MARK3: variants seen among roughly 807,000 people sequenced by gnomAD.
MARK3 encodes microtubule affinity regulating kinase 3, also known as MAP/microtubule affinity-regulating kinase 3.
In MARK3, 46 loss-of-function variants were observed where a neutral mutation model predicts 90.1. The observed-to-expected ratio is 0.51, with a 90% CI of 0.40 to 0.65. MARK3 has a LOEUF of 0.65. MARK3 is among the 30% of genes least tolerant of loss of function. The probability of loss-of-function intolerance (pLI) is 0.00; values close to 1 mark genes in which losing one functional copy is unlikely to be tolerated. For missense variants in MARK3, 818 were observed against 947.2 expected, an observed-to-expected ratio of 0.86 and a Z score of 1.79; for synonymous variants, 321 against 332.6, an observed-to-expected ratio of 0.97 and a Z score of 0.38.
chr14:103,503,039 C>T lies in MARK3; in HGVS notation c.2074C>T (p.Gln692Ter), dbSNP rs895479982. 6.2e-7 allele frequency: 1 copy of T among 1,614,116 alleles called. No homozygotes were observed. The highest frequency in any genetic ancestry group is 1.3e-5 in the African/African-American group (1 of 74,934). The change falls in exon 18 of 18, where the codon CAG becomes TAG. Residue 692 changes from glutamine (Q) to a stop codon, truncating the protein, a stop_gained. Coordinates refer to ENST00000429436, the MANE Select transcript of MARK3 (RefSeq NM_001128918.3). LOFTEE classifies it high-confidence loss of function. ...VLDANNCDYE[Q>*]RERFLLFCVH... ...GGACGCCAATAACTGCGACTATGAG[C>T]AGAGGGAGCGCTTCTTGCTCTTCTG...
rs1188259571 is a variant in MARK3, at chr14:103,451,107, TTTTTTTGTAGAGAGGGAA to T, written c.347-806_347-789del. On this transcript the variant is annotated intron_variant, in intron 4 of 17. Coordinates refer to ENST00000429436, the MANE Select transcript of MARK3 (RefSeq NM_001128918.3). ...CGCCATACCCAGCTAATTTTTGGCA[TTTTTTTGTAGAGAGGGAA>T]TTTTGCCATGTTGCCGAGGGTGGTG... Among the ~76,000 whole-genome samples, 3 of 151,686 alleles carry T rather than the reference TTTTTTTGTAGAGAGGGAA, an allele frequency of 2.0e-5. No individual in the cohort carries two copies. In the Admixed American group the frequency reaches 2.0e-4, roughly 10 times the overall value.
At chr14:103,403,352 G>A (rs1309251969) in intron 1 of MARK3, among the ~76,000 whole-genome samples, 1 of 150,270 alleles carries the variant, frequency 6.7e-6, no homozygotes, top group African/African-American at 2.5e-5. Context: ...GTGTGTGTGT[G>A]TGTGTGTGTG....
chr14:103,476,214 A>T (rs1335581565), intron 13 of MARK3, among the ~76,000 whole-genome samples: 1 of 152,214 alleles, frequency 6.6e-6, no homozygotes, highest in Non-Finnish European at 1.5e-5. Flanking sequence ...TCACAGTCTA[A>T]CAGGAAGTGA....
At chr14:103,477,836 AAG>A (rs2093741155) in intron 13 of MARK3, among the ~76,000 whole-genome samples, 2 of 152,044 alleles carry the variant, frequency 1.3e-5, no homozygotes, top group Admixed American at 1.3e-4. Flanking sequence ...AAAAATTAAA[AAG>A]AAAATAGCTG....
chr14:103,466,337 T>G lies in MARK3; in HGVS notation c.898-6T>G, dbSNP rs1433827135. ...ACTCTGCTAATGAACAGTTTACCTT[T>G]TTTAGCAAATCATGAAGGACAGGTG... On this transcript the variant is annotated splice_region_variant and splice_polypyrimidine_tract_variant and intron_variant, in intron 9 of 17. Transcript: ENST00000429436. 2 of 1,600,038 alleles carry G rather than the reference T, an allele frequency of 1.2e-6. No individual in the cohort carries two copies. The highest frequency in any genetic ancestry group is 8.5e-7 in the Non-Finnish European group (1 of 1,169,716).
intron 2 of MARK3, chr14:103,417,608 T>G (rs1373683181): frequency 6.6e-6 from 1 of 152,188 alleles, no homozygotes; most frequent in Non-Finnish European, 1.5e-5. Context: ...GTTTTTGTCT[T>G]TCAGTTCTGG....
intron 12 of MARK3, chr14:103,469,134 T>C (rs1406198706): frequency 6.6e-6 from 1 of 151,860 alleles, no homozygotes; most frequent in Non-Finnish European, 1.5e-5. Flanking sequence ...GAGGAAATGA[T>C]TTTTACCTTT....
intron 3 of MARK3, among the ~76,000 whole-genome samples, chr14:103,430,560 A>G (rs1205883415): frequency 1.3e-5 from 2 of 152,318 alleles, no homozygotes; most frequent in East Asian, 1.9e-4. Context: ...AGCAGCTAAC[A>G]TTCATCATAA....
intron 3 of MARK3, among the ~76,000 whole-genome samples, chr14:103,439,411 G>A (rs886339814): frequency 6.6e-6 from 1 of 151,828 alleles, no homozygotes; most frequent in Admixed American, 6.6e-5. Context: ...TTTCTTTTGT[G>A]TTTGTTTGTT....
At chr14:103,454,632 G>A (rs1332305575) in intron 5 of MARK3, among the ~76,000 whole-genome samples, 1 of 152,170 alleles carries the variant, frequency 6.6e-6, no homozygotes, top group Non-Finnish European at 1.5e-5. Context: ...ATTGTGAAAA[G>A]TTTTATTAAA....
intron 14 of MARK3, among the ~76,000 whole-genome samples, chr14:103,481,416 G>C (rs1173722278): frequency 1.3e-5 from 2 of 152,096 alleles, no homozygotes. Flanking sequence ...ACCTATGTTT[G>C]ATCTCATTAG....
chr14:103,468,243 G>A (rs1167067335), intron 12 of MARK3, 57 bp downstream of exon 12: 2 of 1,432,600 alleles, frequency 1.4e-6, no homozygotes, highest in East Asian at 5.0e-5. Flanking sequence ...AGGTCTCCTA[G>A]CACTGGGAAG....
chr14:103,450,306 C>T (rs1481692663), intron 4 of MARK3, among the ~76,000 whole-genome samples: 1 of 152,140 alleles, frequency 6.6e-6, no homozygotes, highest in African/African-American at 2.4e-5. Context: ...AGCTAGCCAA[C>T]TCTGGATTTC....
At chr14:103,454,642 A>G (rs570732861) in intron 5 of MARK3, among the ~76,000 whole-genome samples, 1 of 152,284 alleles carries the variant, frequency 6.6e-6, no homozygotes, top group South Asian at 2.1e-4. Context: ...GTTTTATTAA[A>G]TTGGCCACCC....
At chr14:103,401,396 G>A (rs1334489921) in intron 1 of MARK3, among the ~76,000 whole-genome samples, 3 of 152,146 alleles carry the variant, frequency 2.0e-5, no homozygotes, top group Admixed American at 6.5e-5. Flanking sequence ...AGGTTAGGCT[G>A]TGTTATGCTG....
intron 3 of MARK3, among the ~76,000 whole-genome samples, chr14:103,441,841 ACT>A (rs2092865040): frequency 7.5e-6 from 1 of 132,910 alleles, no homozygotes; most frequent in Admixed American, 7.3e-5. Context: ...ATTCTGGTTC[ACT>A]TAACAATTGC....
At chr14:103,493,886 A>AC (rs1428010833) in intron 15 of MARK3, among the ~76,000 whole-genome samples, 3 of 151,590 alleles carry the variant, frequency 2.0e-5, no homozygotes, top group South Asian at 4.2e-4. Context: ...AAAAAAAAAA[A>AC]AAAAAAACTT....
At chr14:103,467,266 A>C in intron 11 of MARK3, 75 bp downstream of exon 11, 1 of 668,922 alleles carries the variant, frequency 1.5e-6, no homozygotes, top group Non-Finnish European at 2.5e-6. Context: ...CTTAGTTTTT[A>C]TCTTTTGAAT....
At chr14:103,472,962 A>T (rs2093655093) in intron 12 of MARK3, among the ~76,000 whole-genome samples, 1 of 150,764 alleles carries the variant, frequency 6.6e-6, no homozygotes, top group Non-Finnish European at 1.5e-5. Flanking sequence ...GCCAAGATTG[A>T]GCCACTGCAC....
Sources: gnomAD v4.1 joint callset for allele counts (sites outside exome capture counted in the v4.1 genomes callset) on GRCh38, gnomAD v4.1.1 for gene constraint, MANE v1.5 for transcripts, NCBI Gene and HGNC (gene_info 2026-07-23, HGNC 2026-07-21) for gene names.